Variants in SLC9A9 observed in about 807,000 individuals in gnomAD.
The protein encoded by SLC9A9 is sodium/hydrogen exchanger 9.
In SLC9A9, 62 loss-of-function variants were observed where a neutral mutation model predicts 77.8. The observed-to-expected ratio is 0.80, with a 90% CI of 0.65 to 0.98. The LOEUF (loss-of-function observed/expected upper bound fraction) is 0.98, where lower values mean the gene tolerates loss of function less well. Ranked by LOEUF, SLC9A9 falls within the 50% of genes least tolerant of loss-of-function variation. SLC9A9 has a pLI of 0.00. For missense variants in SLC9A9, 775 were observed against 774.9 expected (o/e 1.00, Z 0.00); for synonymous variants, 320 against 283.5 (o/e 1.13, Z -1.29).
rs373178110 is a variant in SLC9A9 at position 143,392,072 on chromosome 3, C to T, written c.1470-9958G>A. 2.6e-5 allele frequency among the ~76,000 whole-genome samples: 4 copies of T among 152,052 alleles called. No homozygotes were observed. The East Asian group carries it at 7.7e-4, about 29-fold the overall frequency. On this transcript the variant is annotated intron_variant, in intron 12 of 15. Transcript: ENST00000316549. ...ACTTCCCCAATCTAGCAAGGCAGGC[C>T]AATATTCAAATTCAGGAAACACAGA...
At chr3:143,504,515 G>T (rs900215634) in intron 9 of SLC9A9, among the ~76,000 whole-genome samples, 2 of 152,078 alleles carry the variant, frequency 1.3e-5, no homozygotes, top group Admixed American at 6.6e-5. Flanking sequence ...TTAAGGCCAC[G>T]GTTCCCCAGT....
intron 12 of SLC9A9, among the ~76,000 whole-genome samples, chr3:143,437,070 A>G (rs984652306): frequency 2.0e-5 from 3 of 152,208 alleles, no homozygotes; most frequent in Non-Finnish European, 4.4e-5. Flanking sequence ...AGTTGATTCA[A>G]CCTATTTCCC....
intron 12 of SLC9A9, among the ~76,000 whole-genome samples, chr3:143,402,814 G>T (rs56080141): frequency 6.9e-6 from 1 of 144,888 alleles, no homozygotes; most frequent in African/African-American, 2.5e-5. Context: ...TGATTACATT[G>T]TTTAGTTCAT....
intron 12 of SLC9A9, among the ~76,000 whole-genome samples, chr3:143,437,438 C>A (rs1309552262): frequency 6.6e-6 from 1 of 152,200 alleles, no homozygotes; most frequent in East Asian, 1.9e-4. Context: ...GAGGAAGTGG[C>A]GCCCAGCAAG....
At chr3:143,661,218 T>A (rs763197329) in intron 5 of SLC9A9, among the ~76,000 whole-genome samples, 1 of 152,190 alleles carries the variant, frequency 6.6e-6, no homozygotes, top group Non-Finnish European at 1.5e-5. Flanking sequence ...AAGCAAACAA[T>A]GGCCATTTTA....
chr3:143,818,610 T>C (rs973348676), intron 2 of SLC9A9, among the ~76,000 whole-genome samples: 15 of 152,004 alleles, frequency 9.9e-5, no homozygotes, highest in African/African-American at 3.6e-4. Flanking sequence ...TGCCTGGCCA[T>C]GATTTTTAAG....
intron 5 of SLC9A9, among the ~76,000 whole-genome samples, chr3:143,679,455 C>T (rs926817472): frequency 6.6e-6 from 1 of 152,176 alleles, no homozygotes; most frequent in Non-Finnish European, 1.5e-5. Flanking sequence ...AACCTTGGCA[C>T]TATTGATATT....
intron 4 of SLC9A9, among the ~76,000 whole-genome samples, chr3:143,729,973 G>A (rs1934758418): frequency 6.6e-6 from 1 of 152,186 alleles, no homozygotes; most frequent in South Asian, 2.1e-4. Flanking sequence ...TTATGTGTGT[G>A]CTTTCCCTTG....
intron 12 of SLC9A9, among the ~76,000 whole-genome samples, chr3:143,425,751 A>G (rs2034393086): frequency 6.6e-6 from 1 of 152,232 alleles, no homozygotes; most frequent in Non-Finnish European, 1.5e-5. Flanking sequence ...GAGAACAGAT[A>G]GCCTCTGACA....
At chr3:143,426,893 G>A (rs2034416961) in intron 12 of SLC9A9, among the ~76,000 whole-genome samples, 1 of 152,186 alleles carries the variant, frequency 6.6e-6, no homozygotes, top group Non-Finnish European at 1.5e-5. Context: ...GCTGCCCAGA[G>A]GCTGAGTAAC....
chr3:143,455,852 T>A lies in SLC9A9; in HGVS notation c.1469+11185A>T, dbSNP rs184534894. 2.0e-5 allele frequency among the ~76,000 whole-genome samples: 3 copies of A among 151,870 alleles called. No individual in the cohort carries two copies. In the East Asian group the frequency reaches 5.8e-4, roughly 29 times the overall value. The stretch of plus-strand genomic sequence containing the variant: ...ATAAACAATTATAAAGGCTGAAAAT[T>A]GGGCACTTTTATTTCTCTCTCTCTA... On this transcript the variant is annotated intron_variant, in intron 12 of 15. Transcript: ENST00000316549.
chr3:143,548,672 G>A (rs978854714), intron 9 of SLC9A9, among the ~76,000 whole-genome samples: 1 of 152,100 alleles, frequency 6.6e-6, no homozygotes, highest in Non-Finnish European at 1.5e-5. Flanking sequence ...ACTGCTTTTT[G>A]CCTAACACAT....
intron 4 of SLC9A9, among the ~76,000 whole-genome samples, chr3:143,702,317 A>G (rs1933826397): frequency 6.6e-6 from 1 of 152,192 alleles, no homozygotes; most frequent in Non-Finnish European, 1.5e-5. Context: ...CTTAATTAGA[A>G]AGGCTAAATG....
chr3:143,348,559 C>A (rs1450410127), intron 14 of SLC9A9, among the ~76,000 whole-genome samples: 2 of 152,120 alleles, frequency 1.3e-5, no homozygotes, highest in Non-Finnish European at 2.9e-5. Flanking sequence ...GGCTAGGCAT[C>A]TCTTTTTTTC....
chr3:143,456,606 C>T (rs1406662665), intron 12 of SLC9A9, among the ~76,000 whole-genome samples: 3 of 151,672 alleles, frequency 2.0e-5, no homozygotes, highest in Non-Finnish European at 2.9e-5. Flanking sequence ...ACTCTGTCGC[C>T]CAGGCTGGAG....
intron 9 of SLC9A9, among the ~76,000 whole-genome samples, chr3:143,510,721 G>A (rs1246651675): frequency 6.6e-6 from 1 of 152,020 alleles, no homozygotes; most frequent in African/African-American, 2.4e-5. Flanking sequence ...TATGTTCTAT[G>A]TTCAGTTTTT....
chr3:143,309,803 TG>T (rs1479811879), intron 14 of SLC9A9, among the ~76,000 whole-genome samples: 1 of 152,136 alleles, frequency 6.6e-6, no homozygotes, highest in African/African-American at 2.4e-5. Context: ...GGTCTCTCCA[TG>T]GGGCATCTGG....
intron 4 of SLC9A9, among the ~76,000 whole-genome samples, chr3:143,730,467 G>A (rs1934771642): frequency 6.6e-6 from 1 of 152,100 alleles, no homozygotes; most frequent in Non-Finnish European, 1.5e-5. Context: ...TCTCCTCTTT[G>A]CTTCCACAGT....
At chr3:143,634,074 C>T (rs959695348) in intron 6 of SLC9A9, among the ~76,000 whole-genome samples, 2 of 152,052 alleles carry the variant, frequency 1.3e-5, no homozygotes, top group Non-Finnish European at 2.9e-5. Context: ...GTGGTCAAGT[C>T]GAAAGCCAAC....
Sources: gnomAD v4.1 joint callset for allele counts (sites outside exome capture counted in the v4.1 genomes callset) on GRCh38, gnomAD v4.1.1 for gene constraint, MANE v1.5 for transcripts, NCBI Gene and HGNC (gene_info 2026-07-23, HGNC 2026-07-21) for gene names.